CALU: variants seen among roughly 807,000 people sequenced by gnomAD.
The protein encoded by CALU is IEF SSP 9302.
A neutral mutation model predicts 37.5 loss-of-function variants in CALU; 13 were observed. The ratio of observed to expected loss-of-function variants is 0.35; its 90% CI spans 0.23 to 0.55. The LOEUF is 0.55. CALU is among the 20% of genes least tolerant of loss of function. CALU has a pLI of 0.89. For missense variants in CALU, 282 were observed against 391.7 expected, an observed-to-expected ratio of 0.72 and a Z score of 2.36; for synonymous variants, 114 against 133.8, an observed-to-expected ratio of 0.85 and a Z score of 1.02.
intron 1 of CALU, among the ~76,000 whole-genome samples, chr7:128,742,571 A>G (rs1256947937): frequency 6.6e-6 from 1 of 152,230 alleles, no homozygotes; most frequent in African/African-American, 2.4e-5. Context: ...CCAAAATTGA[A>G]AGTTTGGGCC....
At position 128,739,404 on chromosome 7, in the gene CALU, A is replaced by T. The variant is rs911195557; in HGVS notation, c.-40A>T. On this transcript the variant is annotated 5_prime_UTR_variant, in exon 1 of 7. Coordinates refer to ENST00000249364, the MANE Select transcript of CALU (RefSeq NM_001219.5). ...CCGGTGGGTGAGCGGCGGCCACGGC[A>T]TCCTGTGCTGTGGGGGCTACGAGGA... The T allele has an allele frequency of 6.6e-6, 1 of 152,534 alleles. No individual in the cohort carries two copies. Among genetic ancestry groups the T allele is most frequent in the Non-Finnish European group, 1.5e-5 (1 of 68,320 alleles). The allele number at this position is 152,534 out of a possible 1,614,324, so 9.4% of individuals were successfully genotyped here.
At chr7:128,745,900 C>G (rs1485287775) in intron 1 of CALU, among the ~76,000 whole-genome samples, 1 of 152,174 alleles carries the variant, frequency 6.6e-6, no homozygotes, top group African/African-American at 2.4e-5. Flanking sequence ...CCAATCTTAC[C>G]AGCCCACCCC....
At position 128,769,118 on chromosome 7, in the gene CALU, G is replaced by A; in HGVS notation, c.899G>A (p.Ser300Asn). ...IVDKYDLFVG[S>N]QATDFGEALV... Reference sequence around the variant, plus strand: ...GACAAGTATGACTTATTTGTTGGCAGCCAGGCCACAGATTTTGGGGAGGCC... The same window carrying A: ...GACAAGTATGACTTATTTGTTGGCAACCAGGCCACAGATTTTGGGGAGGCC... The change falls in exon 7 of 7, where the codon AGC becomes AAC. Residue 300 changes from serine to asparagine, a missense_variant. Physicochemically the swap from Ser to Asn is conservative, Grantham distance 46. Transcript: ENST00000249364. 1 of 1,613,464 alleles carries A rather than the reference G, an allele frequency of 6.2e-7. No individual in the cohort carries two copies. The highest frequency in any genetic ancestry group is 1.1e-5 in the South Asian group (1 of 91,054).
intron 2 of CALU, among the ~76,000 whole-genome samples, chr7:128,751,781 A>G (rs1253400445): frequency 7.9e-5 from 12 of 152,320 alleles, no homozygotes; most frequent in Middle Eastern, 6.8e-3. Flanking sequence ...TTTCAGGAAT[A>G]TTAGTCACCC....
intron 3 of CALU, chr7:128,754,737 G>A: frequency 1.3e-6 from 2 of 1,531,378 alleles, no homozygotes; most frequent in South Asian, 1.2e-5. Context: ...GGGGCAAGAT[G>A]TCAGCCTGGC....
chr7:128,754,701 G>C lies in CALU; in HGVS notation c.415+246G>C, dbSNP rs140316977. ...AATCTCCTGGGATGAGTACAGAAAC[G>C]TGACTTATGGCACTTACCTGGGTAA... On this transcript the variant is annotated intron_variant, in intron 3 of 6. Transcript: ENST00000249364. 1.9e-6 allele frequency: 3 copies of C among 1,550,976 alleles called. No individual in the cohort carries two copies. The South Asian group carries it at 3.6e-5, about 19-fold the overall frequency.
Position 128,755,601 on chromosome 7 carries a change from A to G in CALU, c.415+1146A>G, listed in dbSNP as rs973684452. On this transcript the variant is annotated intron_variant, in intron 3 of 6. Transcript: ENST00000249364. ...CTGCTTTGCAAGTGCTTTAAGGCAA[A>G]TAAATGTTAATTTGATTGCTTTTTG... Among the ~76,000 whole-genome samples the G allele has an allele frequency of 4.6e-5, 7 of 152,298 alleles. No homozygotes were observed. The East Asian group carries it at 1.2e-3, about 25-fold the overall frequency.
At chr7:128,742,091 G>A (rs185278598) in intron 1 of CALU, among the ~76,000 whole-genome samples, 12 of 152,284 alleles carry the variant, frequency 7.9e-5, no homozygotes, top group East Asian at 3.9e-4. Flanking sequence ...CTAGAGAGAC[G>A]TTAAATAAAT....
intron 3 of CALU, among the ~76,000 whole-genome samples, chr7:128,757,739 C>A (rs933253656): frequency 4.6e-5 from 7 of 151,926 alleles, no homozygotes; most frequent in Admixed American, 3.3e-4. Flanking sequence ...TATACAGGAA[C>A]GCAGATTGAA....
chr7:128,769,074 T>C lies in CALU; in HGVS notation c.855T>C (p.Leu285=). Residue 285 remains leucine (L), a synonymous_variant, in exon 7 of 7, where the codon CTT becomes CTC. Coordinates refer to ENST00000249364, the MANE Select transcript of CALU (RefSeq NM_001219.5). ...ATCTCTACTTTCAGGATGGCAAGCT[T>C]ACCAAGGAGGAGATCGTTGACAAGT... The part of the protein sequence containing the change: ...YESDQNKDGK[L]TKEEIVDKYD... 1 of 1,607,448 alleles carries C rather than the reference T, an allele frequency of 6.2e-7. No individual in the cohort carries two copies. The highest frequency in any genetic ancestry group is 8.5e-7 in the Non-Finnish European group (1 of 1,174,538).
At position 128,742,293 on chromosome 7, in the gene CALU, C is replaced by T. The variant is rs189823686; in HGVS notation, c.-12+2861C>T. Among the ~76,000 whole-genome samples, 19 of 152,258 alleles carry T rather than the reference C, an allele frequency of 1.2e-4. 3 individuals carry two copies. Among genetic ancestry groups the T allele is most frequent in the African/African-American group, 4.6e-4 (19 of 41,550 alleles). ...CTATCAGTCTGTTCCCTGTAATCTC[C>T]AATTGAAGTAGACAGTTAAACAATG... On this transcript the variant is annotated intron_variant, in intron 1 of 6. Coordinates refer to ENST00000249364, the MANE Select transcript of CALU (RefSeq NM_001219.5).
intron 6 of CALU, 97 bp downstream of exon 6, chr7:128,767,752 G>A: frequency 9.9e-7 from 1 of 1,005,362 alleles, no homozygotes. Context: ...GAGCATTTAA[G>A]GTCTTAATTA....
chr7:128,744,582 A>G (rs922236938), intron 1 of CALU, among the ~76,000 whole-genome samples: 3 of 152,104 alleles, frequency 2.0e-5, no homozygotes, highest in Non-Finnish European at 2.9e-5. Context: ...AAGATGGACC[A>G]TTGGCTTTGT....
chr7:128,771,297 T>A lies in CALU; in HGVS notation c.*2130T>A, dbSNP rs1349990188. On this transcript the variant is annotated 3_prime_UTR_variant, in exon 7 of 7. Transcript: ENST00000249364. Reference sequence around the variant, plus strand: ...CTTTGAAATTTTTTTTTTGTTTGTTTGTTTAAATCAAGCCTGAGGCTGGTG... The same window carrying A: ...CTTTGAAATTTTTTTTTTGTTTGTTAGTTTAAATCAAGCCTGAGGCTGGTG... 6.6e-6 allele frequency: 1 copy of A among 152,636 alleles called. No homozygotes were observed. The highest frequency in any genetic ancestry group is 1.5e-5 in the Non-Finnish European group (1 of 68,040). 9.5% of individuals were successfully genotyped at this position (152,636 alleles called of 1,614,324 possible). A position where few individuals can be genotyped will look rare whatever the true frequency, so the allele number is the denominator to read the frequency against.
chr7:128,763,578 C>T (rs563035249), intron 5 of CALU, among the ~76,000 whole-genome samples: 42 of 152,128 alleles, frequency 2.8e-4, no homozygotes, highest in Non-Finnish European at 5.4e-4. Flanking sequence ...AATAGTTTAT[C>T]ATGGTCACCT....
At position 128,769,416 on chromosome 7, in the gene CALU, G is replaced by T. The variant is rs1801472855; in HGVS notation, c.*249G>T. On this transcript the variant is annotated 3_prime_UTR_variant, in exon 7 of 7. Transcript: ENST00000249364. The stretch of plus-strand genomic sequence containing the variant: ...ACACTTTGTATTATGTATTAACATG[G>T]CGTGTTTATTTTTGTATTTTTCTCT... 3.7e-6 allele frequency: 1 copy of T among 271,932 alleles called. No homozygotes were observed. The highest frequency in any genetic ancestry group is 4.9e-5 in the Admixed American group (1 of 20,406). The allele number at this position is 271,932 out of a possible 1,614,324, so 16.8% of individuals were successfully genotyped here.
At chr7:128,749,699 T>C (rs1352867591) in intron 2 of CALU, among the ~76,000 whole-genome samples, 1 of 152,210 alleles carries the variant, frequency 6.6e-6, no homozygotes, top group East Asian at 1.9e-4. Flanking sequence ...TGCTGCAGAA[T>C]AGATGTATTT....
At chr7:128,759,078 C>T in intron 4 of CALU, 41 bp downstream of exon 4, 1 of 1,508,460 alleles carries the variant, frequency 6.6e-7, no homozygotes, top group Admixed American at 1.9e-5. Context: ...CTCAGTTTCT[C>T]TTTTTGTGGC....
intron 4 of CALU, among the ~76,000 whole-genome samples, chr7:128,759,331 C>T (rs1330572013): frequency 1.3e-5 from 2 of 152,120 alleles, no homozygotes; most frequent in South Asian, 2.1e-4. Context: ...GGGGGAAATC[C>T]CATTATTTAA....
Sources: gnomAD v4.1 joint callset for allele counts (sites outside exome capture counted in the v4.1 genomes callset) on GRCh38, gnomAD v4.1.1 for gene constraint, MANE v1.5 for transcripts, NCBI Gene and HGNC (gene_info 2026-07-23, HGNC 2026-07-21) for gene names.